Variants in CLCN5 observed in about 807,000 individuals in gnomAD.
The protein encoded by CLCN5 is H(+)/Cl(-) exchange transporter 5.
CLCN5 carries 17 observed loss-of-function variants against 54.0 expected under a neutral mutation model. The observed-to-expected ratio is 0.31, with a 90% confidence interval of 0.22 to 0.47. The LOEUF (loss-of-function observed/expected upper bound fraction) is 0.47, where lower values mean the gene tolerates loss of function less well. CLCN5 is among the 20% of genes least tolerant of loss of function. The pLI, the probability that CLCN5 is intolerant of heterozygous loss-of-function variation, is 1.00. For synonymous variants in CLCN5, 222 were observed against 233.0 expected, an observed-to-expected ratio of 0.95 and a Z score of 0.43; for missense variants, 448 against 646.7, an observed-to-expected ratio of 0.69 and a Z score of 3.33.
In CLCN5 at chrX:50,095,760, G is replaced by A. The variant is rs1217349505; in HGVS notation, c.*3541G>A. On this transcript the variant is annotated 3_prime_UTR_variant, in exon 15 of 15. Transcript: ENST00000376091. ...TTATGAACGCATTCAGATGTGAGGG[G>A]GGCAAATATGTTTTCAAAAACTTAG... The A allele has an allele frequency of 2.7e-5, 3 of 111,929 alleles. No homozygotes were observed. Among genetic ancestry groups the A allele is most frequent in the Admixed American group, 1.9e-4 (2 of 10,590 alleles). The allele number at this position is 111,929 out of a possible 1,213,427, so 9.2% of individuals were successfully genotyped here.
At chrX:49,975,411 A>G (rs1283131675) in intron 3 of CLCN5, among the ~76,000 whole-genome samples, 1 of 111,562 alleles carries the variant, frequency 9.0e-6, no homozygotes, top group Non-Finnish European at 1.9e-5. Flanking sequence ...ATTCATAGGA[A>G]AGTAAAGAGT....
chrX:49,960,586 C>G (rs58753984), intron 3 of CLCN5, among the ~76,000 whole-genome samples: 4,913 of 109,036 alleles, frequency 0.045, 295 homozygotes, highest in African/African-American at 0.16. Context: ...CAAACTTTCT[C>G]TTTCCCATCC....
chrX:50,009,522 T>C (rs1395682529), intron 3 of CLCN5, among the ~76,000 whole-genome samples: 2 of 111,861 alleles, frequency 1.8e-5, no homozygotes, highest in Non-Finnish European at 3.8e-5. Flanking sequence ...CACTCATATC[T>C]TTCATTCTAG....
chrX:50,008,268 T>C (rs1294682303), intron 3 of CLCN5, among the ~76,000 whole-genome samples: 4 of 112,545 alleles, frequency 3.6e-5, no homozygotes, highest in African/African-American at 1.3e-4. Flanking sequence ...TTATACTTTT[T>C]TGTTGTTACT....
intron 4 of CLCN5, among the ~76,000 whole-genome samples, chrX:50,057,436 A>C (rs868981396): frequency 5.6e-5 from 3 of 53,108 alleles, no homozygotes; most frequent in African/African-American, 2.3e-4. Context: ...TCTCCTGGAT[A>C]GATACTATCC....
chrX:49,972,678 A>G (rs908422859), intron 3 of CLCN5, among the ~76,000 whole-genome samples: 34 of 111,869 alleles, frequency 3.0e-4, no homozygotes, highest in African/African-American at 1.0e-3. Context: ...CAGAGTCTGT[A>G]CTCTTTCCAT....
rs782676621 is a variant in CLCN5, at chrX:50,086,400, C to T, written c.1087C>T (p.Arg363Cys). 1.8e-5 allele frequency: 22 copies of T among 1,208,381 alleles called. No individual in the cohort carries two copies. The highest frequency in any genetic ancestry group is 2.2e-5 in the Non-Finnish European group (20 of 894,260). Residue 363 changes from arginine to cysteine, a missense_variant, in exon 11 of 15, where the codon CGC becomes TGC. This residue lies in a region of CLCN5 where 297 missense variants were observed against 470.4 expected (regional missense o/e 0.63). Transcript: ENST00000376091. ...FAALVAAFTL[R>C]SINPFGNSRL... The stretch of plus-strand genomic sequence containing the variant: ...TGCCTTGGTGGCAGCATTCACTCTA[C>T]GCTCCATCAATCCATTTGGGAACAG...
intron 3 of CLCN5, chrX:50,013,314 A>G (rs1557182945): frequency 2.7e-6 from 1 of 374,361 alleles, no homozygotes; most frequent in East Asian, 7.8e-5. Flanking sequence ...CATGGATTAC[A>G]GGAGGGTGAG....
intron 3 of CLCN5, among the ~76,000 whole-genome samples, chrX:50,008,069 CTG>C (rs1930293965): frequency 8.9e-6 from 1 of 112,288 alleles, no homozygotes; most frequent in South Asian, 3.7e-4. Flanking sequence ...TCAGAAACCT[CTG>C]TAACCTGTAT....
At chrX:50,063,865 C>CAATA (rs1186456797) in intron 4 of CLCN5, among the ~76,000 whole-genome samples, 1 of 111,133 alleles carries the variant, frequency 9.0e-6, no homozygotes, top group Non-Finnish European at 1.9e-5. Context: ...ATACGCAAAT[C>CAATA]AATAAATGTA....
chrX:50,053,054 C>A (rs1449459208), intron 4 of CLCN5, among the ~76,000 whole-genome samples: 2 of 111,621 alleles, frequency 1.8e-5, no homozygotes, highest in Non-Finnish European at 1.9e-5. Flanking sequence ...AGAGAGCAAA[C>A]TTTGTATGAT....
intron 3 of CLCN5, among the ~76,000 whole-genome samples, chrX:49,950,855 C>T (rs1195604609): frequency 1.8e-5 from 2 of 111,559 alleles, no homozygotes; most frequent in Non-Finnish European, 3.8e-5. Context: ...TCTGTCCCTT[C>T]AAGCATTTAT....
chrX:49,975,083 A>G (rs1928413501), intron 3 of CLCN5, among the ~76,000 whole-genome samples: 1 of 112,295 alleles, frequency 8.9e-6, no homozygotes, highest in Admixed American at 9.4e-5. Context: ...ATGGTAATCA[A>G]GTGTAATGGG....
At chrX:49,963,623 C>T (rs1332309228) in intron 3 of CLCN5, among the ~76,000 whole-genome samples, 2 of 112,036 alleles carry the variant, frequency 1.8e-5, no homozygotes, top group African/African-American at 6.5e-5. Flanking sequence ...AAGGCCATCT[C>T]AGGACAAATA....
At chrX:49,938,860 A>G (rs2147267170) in intron 3 of CLCN5, among the ~76,000 whole-genome samples, 1 of 102,076 alleles carries the variant, frequency 9.8e-6, no homozygotes, top group South Asian at 4.9e-4. Flanking sequence ...GGCAACCTAC[A>G]GAATGGGAGA....
At chrX:50,077,613 AGAGAGAGAGTGTGT>A (rs1334493124) in intron 7 of CLCN5, among the ~76,000 whole-genome samples, 5 of 91,137 alleles carry the variant, frequency 5.5e-5, no homozygotes, top group African/African-American at 1.5e-4. Context: ...AGAGAGAGAG[AGAGAGAGAGTGTGT>A]GTGTGTGTGT....
At chrX:50,021,104 C>A (rs1475442430) in intron 3 of CLCN5, among the ~76,000 whole-genome samples, 2 of 80,344 alleles carry the variant, frequency 2.5e-5, no homozygotes, top group Non-Finnish European at 4.2e-5. Flanking sequence ...ATTCTTCCTA[C>A]CCATGAGCAT....
chrX:49,936,128 T>C (rs185190225), intron 3 of CLCN5, among the ~76,000 whole-genome samples: 1 of 111,963 alleles, frequency 8.9e-6, no homozygotes, highest in East Asian at 2.8e-4. Context: ...CTAGATTCTA[T>C]GTAGTGATGC....
rs1286989654 is a variant in CLCN5 at position 49,930,023 on chromosome X, CA to C, written c.16+4710del. Reference sequence around the variant, plus strand: ...TATTATCTGTAACACAAAGACTTAACAGGGGGATAAGAAAAAAACAAGTATT... The same window carrying C: ...TATTATCTGTAACACAAAGACTTAACGGGGGATAAGAAAAAAACAAGTATT... On this transcript the variant is annotated intron_variant, in intron 3 of 14. Transcript: ENST00000376091. Among the ~76,000 whole-genome samples the C allele has an allele frequency of 1.1e-4, 12 of 110,814 alleles. No individual in the cohort carries two copies. In the East Asian group the frequency reaches 2.8e-3, roughly 26 times the overall value.
Sources: gnomAD v4.1 joint callset for allele counts (sites outside exome capture counted in the v4.1 genomes callset) on GRCh38, gnomAD v4.1.1 for gene constraint, gnomAD v4.1.1 regional missense constraint, MANE v1.5 for transcripts, NCBI Gene and HGNC (gene_info 2026-07-23, HGNC 2026-07-21) for gene names.